HEMK2: variants seen among roughly 807,000 people sequenced by gnomAD.
The protein encoded by HEMK2 is methyltransferase HEMK2.
the HEMK2 span, among the ~76,000 whole-genome samples, chr21:28,757,389 T>C: frequency 6.6e-6 from 1 of 152,148 alleles, no homozygotes; most frequent in African/African-American, 2.4e-5. Flanking sequence ...AAATATATGT[T>C]AGATTTTCTC....
At chr21:28,679,606 A>C in the HEMK2 span, among the ~76,000 whole-genome samples, 1 of 152,216 alleles carries the variant, frequency 6.6e-6, no homozygotes, top group Non-Finnish European at 1.5e-5. Flanking sequence ...CATTCTTCTC[A>C]GCACCACATC....
At chr21:28,664,127 C>G in the HEMK2 span, among the ~76,000 whole-genome samples, 2 of 152,072 alleles carry the variant, frequency 1.3e-5, no homozygotes, top group African/African-American at 4.8e-5. Flanking sequence ...TTACATTTGT[C>G]AAATCTTTTA....
chr21:28,704,750 T>G, the HEMK2 span, among the ~76,000 whole-genome samples: 2 of 152,150 alleles, frequency 1.3e-5, no homozygotes, highest in African/African-American at 4.8e-5. Context: ...AAAATTACTC[T>G]GAAGTAATTT....
the HEMK2 span, among the ~76,000 whole-genome samples, chr21:28,868,742 T>C: frequency 6.6e-6 from 1 of 152,242 alleles, no homozygotes; most frequent in Non-Finnish European, 1.5e-5. Flanking sequence ...GTTATATTTA[T>C]TCCATGATGC....
chr21:28,598,637 G>C, the HEMK2 span, among the ~76,000 whole-genome samples: 1 of 152,210 alleles, frequency 6.6e-6, no homozygotes, highest in Admixed American at 6.5e-5. Flanking sequence ...CCATGAGTTA[G>C]TGAGTTTTCT....
chr21:28,834,159 GA>G, the HEMK2 span, among the ~76,000 whole-genome samples: 50 of 152,302 alleles, frequency 3.3e-4, no homozygotes, highest in South Asian at 9.1e-3. Flanking sequence ...TGGCAGATGG[GA>G]GGTAGGACTA....
At chr21:28,882,331 T>C in the HEMK2 span, 9 of 1,058,904 alleles carry the variant, frequency 8.5e-6, no homozygotes, top group Non-Finnish European at 1.3e-5. Context: ...GTATGTTCCA[T>C]TAATTCTACA....
At chr21:28,877,234 A>AGGAAG in the HEMK2 span, among the ~76,000 whole-genome samples, 18 of 118,408 alleles carry the variant, frequency 1.5e-4, no homozygotes, top group East Asian at 2.6e-4. Flanking sequence ...AAGGAAGGAA[A>AGGAAG]GGAAGGGAAG....
chr21:28,881,166 A>G, the HEMK2 span, among the ~76,000 whole-genome samples: 421 of 152,230 alleles, frequency 2.8e-3, 3 homozygotes, highest in African/African-American at 9.4e-3. Context: ...TGCAGTTGTC[A>G]TTTGTTGTTT....
the HEMK2 span, among the ~76,000 whole-genome samples, chr21:28,604,163 G>A: frequency 1.3e-5 from 2 of 152,156 alleles, no homozygotes; most frequent in Admixed American, 1.3e-4. Flanking sequence ...TCGGTGTTTA[G>A]ACCCTCAGTC....
the HEMK2 span, among the ~76,000 whole-genome samples, chr21:28,830,617 C>G: frequency 6.6e-6 from 1 of 152,142 alleles, no homozygotes; most frequent in Non-Finnish European, 1.5e-5. Flanking sequence ...GTGGCTCACG[C>G]CTGTAATCCC....
chr21:28,885,195 C>T, the HEMK2 span: 18 of 1,549,884 alleles, frequency 1.2e-5, no homozygotes, highest in Non-Finnish European at 1.4e-5. Context: ...CCGTCAGAGC[C>T]CCTCCCCTCC....
At chr21:28,626,101 A>G in the HEMK2 span, among the ~76,000 whole-genome samples, 1 of 152,312 alleles carries the variant, frequency 6.6e-6, no homozygotes, top group African/African-American at 2.4e-5. Context: ...TTGTTCTTAT[A>G]ATTTCCTTAA....
chr21:28,723,824 C>T, the HEMK2 span, among the ~76,000 whole-genome samples: 1 of 152,198 alleles, frequency 6.6e-6, no homozygotes, highest in African/African-American at 2.4e-5. Context: ...TTCTTTCCAG[C>T]TCAGACATGC....
the HEMK2 span, among the ~76,000 whole-genome samples, chr21:28,699,920 T>C: frequency 6.6e-6 from 1 of 152,212 alleles, no homozygotes; most frequent in Non-Finnish European, 1.5e-5. Flanking sequence ...CACTAAAATA[T>C]TACCATGTTT....
the HEMK2 span, among the ~76,000 whole-genome samples, chr21:28,774,312 C>T: frequency 2.0e-5 from 3 of 152,072 alleles, no homozygotes; most frequent in East Asian, 1.9e-4. Context: ...CATAAAAGCC[C>T]GGTGTGGTGG....
At chr21:28,756,550 A>G in the HEMK2 span, among the ~76,000 whole-genome samples, 1 of 152,180 alleles carries the variant, frequency 6.6e-6, no homozygotes, top group African/African-American at 2.4e-5. Context: ...AATATGTATC[A>G]TTTCACTTGA....
chr21:28,857,583 A>G, the HEMK2 span, among the ~76,000 whole-genome samples: 1 of 152,162 alleles, frequency 6.6e-6, no homozygotes, highest in Non-Finnish European at 1.5e-5. Context: ...ATACAGATTT[A>G]TAAATGTAAT....
At chr21:28,614,908 G>A in the HEMK2 span, among the ~76,000 whole-genome samples, 1 of 152,180 alleles carries the variant, frequency 6.6e-6, no homozygotes, top group African/African-American at 2.4e-5. Flanking sequence ...TGTAAGCATT[G>A]CTTTTTCAGT....
Sources: gnomAD v4.1 joint callset for allele counts (sites outside exome capture counted in the v4.1 genomes callset) on GRCh38, gnomAD v4.1.1 for gene constraint, MANE v1.5 for transcripts, NCBI Gene and HGNC (gene_info 2026-07-23, HGNC 2026-07-21) for gene names.